Variants in ZNF385D observed in about 807,000 individuals in gnomAD.
ZNF385D encodes the protein zinc finger protein 385D, also known as zinc finger protein 659.
Under a neutral mutation model 35.8 loss-of-function variants are expected in ZNF385D, and 15 were observed. The ratio of observed to expected loss-of-function variants is 0.42; its 90% CI spans 0.28 to 0.64. The LOEUF is 0.64. Ranked by LOEUF, ZNF385D falls within the 30% of genes least tolerant of loss-of-function variation. ZNF385D has a pLI of 0.23. For missense variants in ZNF385D, 474 were observed against 494.6 expected, an observed-to-expected ratio of 0.96 and a Z score of 0.39; for synonymous variants, 212 against 186.8, an observed-to-expected ratio of 1.13 and a Z score of -1.10.
In ZNF385D at chr3:21,474,666, GA is replaced by G. The variant is rs201583280; in HGVS notation, c.439+36194del. 2.7e-3 allele frequency among the ~76,000 whole-genome samples: 417 copies of G among 152,160 alleles called. 5 individuals are homozygous for G. Among genetic ancestry groups the G allele is most frequent in the Admixed American group, 0.022 (329 of 15,248 alleles). On this transcript the variant is annotated intron_variant, in intron 4 of 7. Transcript: ENST00000281523. The stretch of plus-strand genomic sequence containing the variant: ...ATATTTTTAATGTGTTGTAAATCCT[GA>G]TAAAGAAAACTGAATAATAATTTTG...
intron 3 of ZNF385D, among the ~76,000 whole-genome samples, chr3:21,885,113 T>C (rs1234860704): frequency 6.6e-6 from 1 of 151,978 alleles, no homozygotes; most frequent in Non-Finnish European, 1.5e-5. Context: ...AAGAAAGTGG[T>C]GGAAAAAATG....
chr3:21,485,124 C>G (rs1169223522), intron 4 of ZNF385D, among the ~76,000 whole-genome samples: 2 of 152,130 alleles, frequency 1.3e-5, no homozygotes, highest in Admixed American at 6.6e-5. Flanking sequence ...ACTCCATTTT[C>G]TTTTGAACCA....
At chr3:22,102,911 A>G (rs1702018424) in intron 3 of ZNF385D, among the ~76,000 whole-genome samples, 1 of 149,882 alleles carries the variant, frequency 6.7e-6, no homozygotes, top group South Asian at 2.1e-4. Flanking sequence ...AAAAAAACCA[A>G]CAAGTTCTCA....
intron 3 of ZNF385D, among the ~76,000 whole-genome samples, chr3:21,778,122 C>T (rs1473592755): frequency 6.6e-6 from 1 of 151,904 alleles, no homozygotes; most frequent in Non-Finnish European, 1.5e-5. Context: ...TTACAACATA[C>T]ACACTCAATG....
At chr3:21,817,233 AG>A (rs1408612284) in intron 3 of ZNF385D, among the ~76,000 whole-genome samples, 2 of 152,346 alleles carry the variant, frequency 1.3e-5, no homozygotes, top group Middle Eastern at 3.4e-3. Flanking sequence ...TAAAAACTCT[AG>A]AAGAAAACCT....
chr3:22,265,507 C>T (rs753561888), intron 2 of ZNF385D, among the ~76,000 whole-genome samples: 12 of 152,066 alleles, frequency 7.9e-5, no homozygotes, highest in East Asian at 2.0e-4. Context: ...ACCAGAGAAA[C>T]GCAGTTGATT....
intron 1 of ZNF385D, among the ~76,000 whole-genome samples, chr3:21,698,151 T>G (rs9871400): frequency 0.15 from 23,430 of 152,138 alleles, 1,940 homozygotes; most frequent in East Asian, 0.22. Context: ...TGCACACATA[T>G]GTTTATTGCA....
chr3:22,134,321 A>G (rs1193540284), intron 3 of ZNF385D: 1 of 152,180 alleles, frequency 6.6e-6, no homozygotes, highest in East Asian at 1.9e-4. Context: ...CAACTTACCA[A>G]GAAGATATAA....
At chr3:22,271,941 C>T (rs1435487836) in intron 2 of ZNF385D, among the ~76,000 whole-genome samples, 1 of 152,022 alleles carries the variant, frequency 6.6e-6, no homozygotes, top group East Asian at 1.9e-4. Context: ...GAATTTTGAT[C>T]TCCTCCCATG....
intron 4 of ZNF385D, among the ~76,000 whole-genome samples, chr3:21,507,120 A>T (rs1001728469): frequency 6.6e-6 from 1 of 152,198 alleles, no homozygotes; most frequent in South Asian, 2.1e-4. Context: ...GGAATTATCA[A>T]TCAAAATTGT....
At chr3:21,880,381 T>A (rs1390437545) in intron 3 of ZNF385D, among the ~76,000 whole-genome samples, 1 of 152,028 alleles carries the variant, frequency 6.6e-6, no homozygotes, top group Non-Finnish European at 1.5e-5. Context: ...TTGGTAATTC[T>A]TGCAATATTC....
chr3:22,082,273 G>A (rs1338331004), intron 3 of ZNF385D, among the ~76,000 whole-genome samples: 3 of 152,008 alleles, frequency 2.0e-5, no homozygotes, highest in East Asian at 3.9e-4. Flanking sequence ...TAAGTGCAAG[G>A]GGTCAGGGAA....
chr3:21,965,290 A>G (rs1353502377), intron 3 of ZNF385D, among the ~76,000 whole-genome samples: 2 of 152,212 alleles, frequency 1.3e-5, no homozygotes, highest in Non-Finnish European at 2.9e-5. Context: ...CATCAAATGA[A>G]TGCCACATAT....
At chr3:21,770,767 C>G (rs1438533137) in intron 3 of ZNF385D, among the ~76,000 whole-genome samples, 1 of 152,160 alleles carries the variant, frequency 6.6e-6, no homozygotes, top group Non-Finnish European at 1.5e-5. Flanking sequence ...ATAAATCATG[C>G]TGCTATAAAG....
chr3:21,655,728 T>C (rs2066052763), intron 2 of ZNF385D, among the ~76,000 whole-genome samples: 1 of 151,986 alleles, frequency 6.6e-6, no homozygotes, highest in Non-Finnish European at 1.5e-5. Context: ...AGACAAGAGG[T>C]CATCTAGCTA....
chr3:22,302,263 T>A (rs1479552233), intron 2 of ZNF385D, among the ~76,000 whole-genome samples: 1 of 152,026 alleles, frequency 6.6e-6, no homozygotes, highest in Admixed American at 6.6e-5. Flanking sequence ...GGACTCCACA[T>A]CTTCATCAAC....
chr3:22,252,355 G>A (rs1176902524), intron 2 of ZNF385D, among the ~76,000 whole-genome samples: 7 of 151,944 alleles, frequency 4.6e-5, no homozygotes, highest in South Asian at 2.1e-4. Flanking sequence ...AGTAAGTATC[G>A]ATTGTTGTGT....
At chr3:21,856,424 C>A (rs535032138) in intron 3 of ZNF385D, among the ~76,000 whole-genome samples, 2 of 152,080 alleles carry the variant, frequency 1.3e-5, no homozygotes, top group Admixed American at 1.3e-4. Flanking sequence ...TCAGACTCAA[C>A]TGCCTCTAGG....
chr3:21,505,288 G>A (rs190913019), intron 4 of ZNF385D, among the ~76,000 whole-genome samples: 1 of 151,960 alleles, frequency 6.6e-6, no homozygotes, highest in Non-Finnish European at 1.5e-5. Context: ...AGAAGGACAG[G>A]GCAAGAGAAT....
Sources: allele counts gnomAD v4.1 joint callset (sites outside exome capture counted in the v4.1 genomes callset), GRCh38; gene constraint gnomAD v4.1.1; transcripts MANE v1.5; gene names NCBI Gene and HGNC (gene_info 2026-07-23, HGNC 2026-07-21).